The following RO60 variants were observed in gnomAD, a reference collection of about 807,000 sequenced individuals.
RO60 encodes RNA-binding protein RO60.
RO60 carries 20 observed loss-of-function variants against 55.3 expected under a neutral mutation model. The ratio of observed to expected loss-of-function variants is 0.36; its 90% CI spans 0.25 to 0.53. The LOEUF is 0.53. RO60 is among the 20% of genes least tolerant of loss of function. The probability of loss-of-function intolerance (pLI) is 0.92; values close to 1 mark genes in which losing one functional copy is unlikely to be tolerated. For missense variants in RO60, 558 were observed against 646.6 expected, an observed-to-expected ratio of 0.86 and a Z score of 1.49; for synonymous variants, 213 against 213.6, an observed-to-expected ratio of 1.00 and a Z score of 0.02.
At chr1:193,064,686 G>A (rs550164425) in intron 1 of RO60, among the ~76,000 whole-genome samples, 1 of 152,334 alleles carries the variant, frequency 6.6e-6, no homozygotes, top group East Asian at 1.9e-4. Context: ...AGTCACAGAA[G>A]CATAGGAAAA....
chr1:193,085,677 TTTTTAC>T lies in RO60; in HGVS notation c.*952_*957del, dbSNP rs1244744258. 27 of 977,042 alleles carry T rather than the reference TTTTTAC, an allele frequency of 2.8e-5. No homozygotes were observed. The Admixed American group carries it at 1.4e-3, about 51-fold the overall frequency. 60.5% of individuals were successfully genotyped at this position (977,042 alleles called of 1,614,324 possible). A position where few individuals can be genotyped will look rare whatever the true frequency, so the allele number is the denominator to read the frequency against. On this transcript the variant is annotated 3_prime_UTR_variant, in exon 9 of 9. Coordinates refer to ENST00000400968, the MANE Select transcript of RO60 (RefSeq NM_001173524.2). ...TTTTTCCTTACTTTTAAAATAAAATTTTTTACTTTTAACTATTTTTTTAGTTAATAT... is the reference window on the plus strand; with the variant it reads ...TTTTTCCTTACTTTTAAAATAAAATTTTTTAACTATTTTTTTAGTTAATAT...
intron 8 of RO60, among the ~76,000 whole-genome samples, chr1:193,084,098 T>C (rs1020333340): frequency 6.6e-6 from 1 of 152,238 alleles, no homozygotes; most frequent in Non-Finnish European, 1.5e-5. Context: ...TTCTCAAAAA[T>C]TCAATTATTT....
At chr1:193,091,678 C>T (rs754775954), downstream of RO60, 4 of 1,611,908 alleles carry the variant, frequency 2.5e-6, no homozygotes, top group Admixed American at 3.3e-5. Flanking sequence ...CTAAATAAAT[C>T]ATTTTAGACA....
Position 193,082,388 on chromosome 1 carries a change from T to A in RO60, c.1317+89T>A. The A allele has an allele frequency of 4.5e-6, 6 of 1,346,140 alleles. No homozygotes were observed. In the South Asian group the frequency reaches 7.7e-5, roughly 17 times the overall value. 83.4% of individuals were successfully genotyped at this position (1,346,140 alleles called of 1,614,324 possible). Reference sequence around the variant, plus strand: ...ATTGATGTCATGTATGGTATTAATCTGTGAGAACAAAATTTTTTTTGTCTT... The same window carrying A: ...ATTGATGTCATGTATGGTATTAATCAGTGAGAACAAAATTTTTTTTGTCTT... On this transcript the variant is annotated intron_variant, in intron 7 of 8. Coordinates refer to ENST00000400968, the MANE Select transcript of RO60 (RefSeq NM_001173524.2).
At chr1:193,070,752 T>C (rs952850745) in intron 2 of RO60, 8 of 182,374 alleles carry the variant, frequency 4.4e-5, no homozygotes, top group Non-Finnish European at 8.5e-5. Context: ...ATTTCTCCCT[T>C]CCACACATAT....
intron 5 of RO60, among the ~76,000 whole-genome samples, chr1:193,079,569 G>C (rs180740881): frequency 1.1e-3 from 170 of 152,088 alleles, no homozygotes; most frequent in African/African-American, 4.0e-3. Flanking sequence ...GCTAAAACTA[G>C]AAAACACCAA....
chr1:193,083,433 C>A (rs899142975), intron 8 of RO60, among the ~76,000 whole-genome samples: 1 of 152,192 alleles, frequency 6.6e-6, no homozygotes, highest in Admixed American at 6.5e-5. Context: ...GTTGAGCTTT[C>A]TGAAATGACA....
intron 8 of RO60, among the ~76,000 whole-genome samples, chr1:193,083,009 G>A (rs1277432608): frequency 1.3e-5 from 2 of 151,964 alleles, no homozygotes; most frequent in Admixed American, 1.3e-4. Flanking sequence ...CTCCAGCCTT[G>A]GCTTCCCAAC....
chr1:193,071,238 G>A (rs1673472372), intron 2 of RO60, among the ~76,000 whole-genome samples: 1 of 152,188 alleles, frequency 6.6e-6, no homozygotes. Context: ...GTGCAGCCCA[G>A]TTCCTAACAG....
Position 193,069,415 on chromosome 1 carries a change from A to G in RO60, c.361A>G (p.Ile121Val), listed in dbSNP as rs776142740. 10 of 1,614,164 alleles carry G rather than the reference A, an allele frequency of 6.2e-6. No individual in the cohort carries two copies. The highest frequency in any genetic ancestry group is 1.7e-5 in the Admixed American group (1 of 60,024). The change falls in exon 2 of 9, where the codon ATT (isoleucine) becomes GTT (valine). Residue 121 changes from isoleucine (I) to valine (V), a missense_variant. Physicochemically the swap from Ile to Val is conservative, Grantham distance 29 (BLOSUM62 3). Transcript: ENST00000400968. Reference protein sequence around the residue: ...AFKAVSEVCRIPTHLFTFIQF... With the variant: ...AFKAVSEVCRVPTHLFTFIQF... ...TAAAGCTGTTTCTGAAGTTTGTCGCATTCCTACCCATCTCTTTACTTTTAT... is the reference window on the plus strand; with the variant it reads ...TAAAGCTGTTTCTGAAGTTTGTCGCGTTCCTACCCATCTCTTTACTTTTAT...
At chr1:193,075,496 G>A (rs774059226) in intron 2 of RO60, among the ~76,000 whole-genome samples, 11 of 151,720 alleles carry the variant, frequency 7.3e-5, no homozygotes, top group Non-Finnish European at 1.0e-4. Context: ...CTGTACTCTC[G>A]TGAGTTGTTC....
Position 193,076,994 on chromosome 1 carries a change from C to T in RO60, c.1030C>T (p.Arg344Cys), listed in dbSNP as rs201998409. Residue 344 changes from arginine (R) to cysteine (C), a missense_variant, in exon 5 of 9, where the codon CGC becomes TGC. Transcript: ENST00000400968. The stretch of plus-strand genomic sequence containing the variant: ...TGGTCTCAGAGGGAAACTGAAGTGG[C>T]GCCCTGATGAAGAAATTTTGAAAGC... ...GHGLRGKLKW[R>C]PDEEILKALD... 2.9e-5 allele frequency: 47 copies of T among 1,612,750 alleles called. No homozygotes were observed. The African/African-American group carries it at 3.7e-4, about 13-fold the overall frequency.
chr1:193,075,425 G>A (rs201471335), intron 2 of RO60, among the ~76,000 whole-genome samples: 1 of 150,720 alleles, frequency 6.6e-6, no homozygotes, highest in Non-Finnish European at 1.5e-5. Context: ...AAAGAGACAA[G>A]TGAATATAAT....
chr1:193,075,330 A>G (rs1673834045), intron 2 of RO60, among the ~76,000 whole-genome samples: 1 of 144,864 alleles, frequency 6.9e-6, no homozygotes. Context: ...CTCAGCTATT[A>G]AAACATAGTG....
In RO60 at chr1:193,059,768, C is replaced by T; in HGVS notation, c.-30C>T. ...GCTGCGGATCCAGGGGGTCGGCTGC[C>T]AGGTACAGGTGAGGACATTGCGGGA... On this transcript the variant is annotated 5_prime_UTR_variant, in exon 1 of 9. Transcript: ENST00000400968. This position sits in a 1 kb window ranked among gnomAD's most constrained non-coding sequence, Gnocchi z 4.9. 5 of 1,356,352 alleles carry T rather than the reference C, an allele frequency of 3.7e-6. No homozygotes were observed. Among genetic ancestry groups the T allele is most frequent in the Non-Finnish European group, 4.9e-6 (5 of 1,017,320 alleles). The allele number at this position is 1,356,352 out of a possible 1,614,324, so 84.0% of individuals were successfully genotyped here.
At chr1:193,083,554 G>C (rs907764851) in intron 8 of RO60, among the ~76,000 whole-genome samples, 4 of 152,142 alleles carry the variant, frequency 2.6e-5, no homozygotes, top group African/African-American at 7.2e-5. Context: ...ATGAAGAGTA[G>C]TGGTTCTCAA....
intron 1 of RO60, among the ~76,000 whole-genome samples, chr1:193,067,633 T>C (rs956270097): frequency 1.3e-5 from 2 of 152,142 alleles, no homozygotes; most frequent in Admixed American, 1.3e-4. Context: ...CGAAATAACA[T>C]GACAGATTGA....
chr1:193,073,269 C>T (rs1173749317), intron 2 of RO60, among the ~76,000 whole-genome samples: 1 of 152,306 alleles, frequency 6.6e-6, no homozygotes, highest in South Asian at 2.1e-4. Flanking sequence ...AGTCACAATA[C>T]TTGAGAAGTT....
At chr1:193,062,986 A>G (rs1672880351) in intron 1 of RO60, among the ~76,000 whole-genome samples, 1 of 152,178 alleles carries the variant, frequency 6.6e-6, no homozygotes, top group African/African-American at 2.4e-5. Flanking sequence ...AGTAATGTTG[A>G]TAAAAACATC....
Sources: allele counts gnomAD v4.1 joint callset (sites outside exome capture counted in the v4.1 genomes callset), GRCh38; gene constraint gnomAD v4.1.1; non-coding constraint Gnocchi (gnomAD v3.1); transcripts MANE v1.5; gene names NCBI Gene and HGNC (gene_info 2026-07-23, HGNC 2026-07-21).